The following DMRT1 variants were observed in gnomAD, a reference collection of about 807,000 sequenced individuals.
The protein encoded by DMRT1 is doublesex and mab-3 related transcription factor 1, also known as doublesex- and mab-3-related transcription factor 1.
DMRT1 carries 7 observed loss-of-function variants against 32.3 expected under a neutral mutation model. That is an observed-to-expected ratio of 0.22 (90% confidence interval 0.12 to 0.41). The LOEUF (loss-of-function observed/expected upper bound fraction) is 0.41. DMRT1 is among the 10% of genes least tolerant of loss of function. The probability of loss-of-function intolerance (pLI) is 1.00; values close to 1 mark genes in which losing one functional copy is unlikely to be tolerated. For synonymous variants in DMRT1, 278 were observed against 206.1 expected, an observed-to-expected ratio of 1.35 and a Z score of -2.99; for missense variants, 625 against 500.5, an observed-to-expected ratio of 1.25 and a Z score of -2.37.
chr9:878,497 A>G (rs1002154242), intron 2 of DMRT1, among the ~76,000 whole-genome samples: 3 of 152,108 alleles, frequency 2.0e-5, no homozygotes, highest in Non-Finnish European at 4.4e-5. Flanking sequence ...TTGTTCCCGC[A>G]TTTCCTGATT....
Position 944,381 on chromosome 9 carries a change from C to T in DMRT1, c.968-23604C>T, listed in dbSNP as rs370361703. ...GTAGGATTAGACTGTTGTAATTTCC[C>T]CTCCAGCATCCTCACACAATAAGCA... is the stretch of plus-strand genomic sequence containing the variant. On this transcript the variant is annotated intron_variant, in intron 4 of 4. Coordinates refer to ENST00000382276, the MANE Select transcript of DMRT1 (RefSeq NM_021951.3). 1.6e-4 allele frequency among the ~76,000 whole-genome samples: 24 copies of T among 152,264 alleles called. No individual in the cohort carries two copies. In the South Asian group the frequency reaches 4.4e-3, roughly 28 times the overall value.
chr9:874,170 G>A (rs1816396310), intron 2 of DMRT1, among the ~76,000 whole-genome samples: 1 of 152,166 alleles, frequency 6.6e-6, no homozygotes, highest in African/African-American at 2.4e-5. Context: ...TCTCTTTGAA[G>A]GTAATGAATG....
Position 968,311 on chromosome 9 carries a change from G to T in DMRT1, c.*172G>T. The T allele has an allele frequency of 1.4e-6, 1 of 718,486 alleles. No homozygotes were observed. Among genetic ancestry groups the T allele is most frequent in the African/African-American group, 1.8e-5 (1 of 56,410 alleles). 44.5% of individuals were successfully genotyped at this position (718,486 alleles called of 1,614,324 possible). On this transcript the variant is annotated 3_prime_UTR_variant, in exon 5 of 5. Coordinates refer to ENST00000382276, the MANE Select transcript of DMRT1 (RefSeq NM_021951.3). ...CTGTAACACATTTGTAATACTTTAG[G>T]GTCCGTGACTACCATCTGCATGGTT...
chr9:858,710 C>G (rs906378322), intron 2 of DMRT1, among the ~76,000 whole-genome samples: 1 of 151,966 alleles, frequency 6.6e-6, no homozygotes, highest in East Asian at 1.9e-4. Flanking sequence ...CCTGTCTCTA[C>G]TAAAAATACA....
intron 2 of DMRT1, among the ~76,000 whole-genome samples, chr9:876,894 AT>A (rs1483026726): frequency 1.4e-5 from 2 of 138,206 alleles, no homozygotes; most frequent in Non-Finnish European, 3.0e-5. Flanking sequence ...CTGACACGGC[AT>A]GGTAGACAAG....
chr9:968,370 G>A lies in DMRT1; in HGVS notation c.*231G>A. ...TTACTCACGGAGTTTAAATAATAGT[G>A]TTCATTTTTTTAATGACACTGGTTT... is the stretch of plus-strand genomic sequence containing the variant. On this transcript the variant is annotated 3_prime_UTR_variant, in exon 5 of 5. Coordinates refer to ENST00000382276, the MANE Select transcript of DMRT1 (RefSeq NM_021951.3). The A allele has an allele frequency of 5.9e-6, 3 of 509,174 alleles. No individual in the cohort carries two copies. Among genetic ancestry groups the A allele is most frequent in the Non-Finnish European group, 1.0e-5 (3 of 285,840 alleles). 31.5% of individuals were successfully genotyped at this position (509,174 alleles called of 1,614,324 possible).
chr9:906,053 T>A (rs62530270), intron 3 of DMRT1, among the ~76,000 whole-genome samples: 3 of 73,460 alleles, frequency 4.1e-5, no homozygotes, highest in African/African-American at 6.2e-5. Flanking sequence ...ACACACACAC[T>A]CACACACTCT....
At chr9:862,970 G>C (rs1248924097) in intron 2 of DMRT1, among the ~76,000 whole-genome samples, 1 of 152,020 alleles carries the variant, frequency 6.6e-6, no homozygotes, top group East Asian at 1.9e-4. Context: ...AGATGAGTGA[G>C]ATGATCCTGG....
chr9:904,302 A>T (rs566376393), intron 3 of DMRT1, among the ~76,000 whole-genome samples: 5 of 152,278 alleles, frequency 3.3e-5, no homozygotes, highest in African/African-American at 1.2e-4. Context: ...TGAATATGAT[A>T]TGAAATTAGT....
At chr9:957,327 C>T (rs1235999172) in intron 4 of DMRT1, among the ~76,000 whole-genome samples, 2 of 152,156 alleles carry the variant, frequency 1.3e-5, no homozygotes, top group African/African-American at 4.8e-5. Flanking sequence ...GGGTTAAAGT[C>T]CTTTCTTGGG....
chr9:861,050 C>CTTTTTTT (rs140608243), intron 2 of DMRT1, among the ~76,000 whole-genome samples: 7 of 121,344 alleles, frequency 5.8e-5, no homozygotes, highest in Non-Finnish European at 1.2e-4. Flanking sequence ...AATTTACTTT[C>CTTTTTTT]TTTTTTTTTT....
intron 4 of DMRT1, 63 bp downstream of exon 4, chr9:916,970 T>C: frequency 1.9e-6 from 3 of 1,553,790 alleles, no homozygotes; most frequent in East Asian, 2.2e-5. Flanking sequence ...CAGTATTGGG[T>C]CATTAGCTGT....
intron 2 of DMRT1, among the ~76,000 whole-genome samples, chr9:884,560 G>A (rs1432926261): frequency 1.3e-5 from 2 of 152,176 alleles, no homozygotes; most frequent in African/African-American, 2.4e-5. Flanking sequence ...AATGCTATTG[G>A]TAATTTTTCC....
At chr9:899,373 A>G (rs1484221595) in intron 3 of DMRT1, among the ~76,000 whole-genome samples, 1 of 152,188 alleles carries the variant, frequency 6.6e-6, no homozygotes, top group African/African-American at 2.4e-5. Flanking sequence ...TCCCTATAAA[A>G]ACAAGCAAGC....
At position 897,278 on chromosome 9, in the gene DMRT1, A is replaced by G. The variant is rs546674861; in HGVS notation, c.822+3083A>G. Among the ~76,000 whole-genome samples the G allele has an allele frequency of 2.4e-3, 355 of 149,680 alleles. 2 individuals are homozygous for G. Among genetic ancestry groups the G allele is most frequent in the African/African-American group, 7.6e-3 (311 of 40,874 alleles). On this transcript the variant is annotated intron_variant, in intron 3 of 4. Coordinates refer to ENST00000382276, the MANE Select transcript of DMRT1 (RefSeq NM_021951.3). ...CAGGCACGTGCCATCACGCGTGGCT[A>G]TTTTTTTTTCTGTATTTTTAGCAGA... is the stretch of plus-strand genomic sequence containing the variant.
chr9:849,873 G>C (rs1466872332), intron 2 of DMRT1, among the ~76,000 whole-genome samples: 1 of 152,094 alleles, frequency 6.6e-6, no homozygotes, highest in Non-Finnish European at 1.5e-5. Context: ...GCCCAGGGTG[G>C]AGGGCAGTGG....
chr9:943,007 G>C (rs1012141343), intron 4 of DMRT1, among the ~76,000 whole-genome samples: 1 of 150,774 alleles, frequency 6.6e-6, no homozygotes, highest in African/African-American at 2.4e-5. Flanking sequence ...CCTATATGAT[G>C]CTGCTTAGTG....
At chr9:945,257 G>A (rs867746528) in intron 4 of DMRT1, among the ~76,000 whole-genome samples, 2 of 152,076 alleles carry the variant, frequency 1.3e-5, no homozygotes, top group African/African-American at 2.4e-5. Flanking sequence ...AGGTTCAAAC[G>A]ATTCTCCTGC....
intron 4 of DMRT1, among the ~76,000 whole-genome samples, chr9:937,538 C>T (rs111501488): frequency 0.01 from 1,526 of 151,742 alleles, 26 homozygotes; most frequent in African/African-American, 0.034. Flanking sequence ...TAATAGCCTT[C>T]CTAATGGGTG....
Sources: allele counts gnomAD v4.1 joint callset (sites outside exome capture counted in the v4.1 genomes callset), GRCh38; gene constraint gnomAD v4.1.1; transcripts MANE v1.5; gene names NCBI Gene and HGNC (gene_info 2026-07-23, HGNC 2026-07-21).